Variants in TG observed in about 807,000 individuals in gnomAD.
TG encodes thyroid hormones.
TG carries 270 observed loss-of-function variants against 324.7 expected under a neutral mutation model. The ratio of observed to expected loss-of-function variants is 0.83; its 90% CI spans 0.75 to 0.92. The LOEUF (loss-of-function observed/expected upper bound fraction) is 0.92. TG is among the 40% of genes least tolerant of loss of function. The pLI, the probability that TG is intolerant of heterozygous loss-of-function variation, is 0.00. For missense variants in TG, 3,591 were observed against 3,456.4 expected (o/e 1.04, Z -0.98); for synonymous variants, 1,401 against 1,327.0 (o/e 1.06, Z -1.21).
intron 21 of TG, 57 bp downstream of exon 21, chr8:132,919,582 A>T: frequency 6.2e-7 from 1 of 1,605,540 alleles, no homozygotes; most frequent in East Asian, 2.2e-5. Context: ...ATGGAACTCA[A>T]CAGGGTTTCC....
intron 22 of TG, 78 bp from the exon 23 acceptor site, chr8:132,928,998 C>A: frequency 8.4e-7 from 1 of 1,191,418 alleles, no homozygotes; most frequent in Non-Finnish European, 1.3e-6. Flanking sequence ...GACTGCTTGA[C>A]CTAACAGTCT....
At chr8:133,059,411 C>T (rs1842042301) in intron 41 of TG, among the ~76,000 whole-genome samples, 2 of 152,180 alleles carry the variant, frequency 1.3e-5, no homozygotes, top group Non-Finnish European at 2.9e-5. Context: ...AGCCTTTTCC[C>T]TTTGTTCACT....
intron 39 of TG, 39 bp downstream of exon 39, chr8:133,019,734 T>C: frequency 6.4e-7 from 1 of 1,557,660 alleles, no homozygotes; most frequent in East Asian, 2.3e-5. Context: ...CCCTGAAGAC[T>C]GTCCCATTAG....
At position 132,886,769 on chromosome 8, in the gene TG, G is replaced by A. The variant is rs1211535762; in HGVS notation, c.1397G>A (p.Arg466Lys). 2 of 1,614,082 alleles carry A rather than the reference G, an allele frequency of 1.2e-6. No individual in the cohort carries two copies. Among genetic ancestry groups the A allele is most frequent in the African/African-American group, 1.3e-5 (1 of 74,924 alleles). ...LALQFTTNPK[R>K]LQQNLFGGKF... is the part of the protein sequence containing the mutation. Reference sequence around the variant, plus strand: ...CTTCAGTTTACCACCAACCCAAAGAGACTCCAGCAAAACCTTTTTGGAGGG... The same window carrying A: ...CTTCAGTTTACCACCAACCCAAAGAAACTCCAGCAAAACCTTTTTGGAGGG... The change falls in exon 9 of 48, where the codon AGA (arginine) becomes AAA (lysine). Residue 466 changes from arginine to lysine, a missense_variant. Coordinates refer to ENST00000220616, the MANE Select transcript of TG (RefSeq NM_003235.5).
chr8:132,925,451 A>G (rs1159720927), intron 22 of TG, among the ~76,000 whole-genome samples: 1 of 150,382 alleles, frequency 6.6e-6, no homozygotes, highest in African/African-American at 2.4e-5. Flanking sequence ...AGAAATTTTC[A>G]TTTTCTAATT....
At chr8:132,876,165 C>T (rs1813760340) in intron 5 of TG, among the ~76,000 whole-genome samples, 1 of 152,038 alleles carries the variant, frequency 6.6e-6, no homozygotes, top group African/African-American at 2.4e-5. Flanking sequence ...AGGCAGCCCT[C>T]CGAGTTTGGA....
chr8:133,019,409 G>A (rs546999745), intron 38 of TG, among the ~76,000 whole-genome samples, 193 bp from the exon 39 acceptor site: 15 of 152,340 alleles, frequency 9.8e-5, no homozygotes, highest in African/African-American at 3.4e-4. Flanking sequence ...GCCAGAGAGC[G>A]GTGGGCACTC....
In TG at chr8:132,882,555, C is replaced by A. The variant is rs373005597; in HGVS notation, c.832C>A (p.Arg278=). 6.2e-7 allele frequency: 1 copy of A among 1,614,174 alleles called. No homozygotes were observed. Among genetic ancestry groups the A allele is most frequent in the East Asian group, 2.2e-5 (1 of 44,876 alleles). Reference sequence around the variant, plus strand: ...CACCTTCACTGAAACCACCCTGTACCGGATACTGCAGAGACGGTTCCTCGC... The same window carrying A: ...CACCTTCACTGAAACCACCCTGTACAGGATACTGCAGAGACGGTTCCTCGC... ...PSTFTETTLY[R]ILQRRFLAVQ... Residue 278 remains arginine, a synonymous_variant, in exon 7 of 48, where the codon CGG becomes AGG. Transcript: ENST00000220616.
chr8:132,968,366 A>G (rs972379035), intron 31 of TG, among the ~76,000 whole-genome samples: 3 of 152,214 alleles, frequency 2.0e-5, no homozygotes, highest in Non-Finnish European at 4.4e-5. Context: ...TCCTCTCCTA[A>G]GACAGCCACC....
intron 35 of TG, chr8:132,994,792 G>A: frequency 7.8e-7 from 1 of 1,287,732 alleles, no homozygotes; most frequent in South Asian, 1.2e-5. Context: ...GGAGTACCTG[G>A]TGTCATGGGA....
At chr8:133,072,772 A>C (rs1398896763) in intron 41 of TG, 1 of 152,200 alleles carries the variant, frequency 6.6e-6, no homozygotes, top group Non-Finnish European at 1.5e-5. Flanking sequence ...TTTTCTTCTG[A>C]AAGTGACTTA....
intron 44 of TG, among the ~76,000 whole-genome samples, chr8:133,115,560 C>T (rs1850613618): frequency 6.6e-6 from 1 of 152,210 alleles, no homozygotes; most frequent in African/African-American, 2.4e-5. Flanking sequence ...AAGACGGGCA[C>T]CCCTTTTGCT....
chr8:132,884,222 T>A (rs1270123957), intron 8 of TG, among the ~76,000 whole-genome samples: 6 of 152,208 alleles, frequency 3.9e-5, no homozygotes, highest in East Asian at 1.9e-4. Context: ...GGGAAGAGCA[T>A]GAATTTTGAG....
chr8:133,004,166 T>A (rs1347138781), intron 35 of TG, among the ~76,000 whole-genome samples: 5 of 142,680 alleles, frequency 3.5e-5, no homozygotes, highest in Admixed American at 1.4e-4. Context: ...GGCCTCTTAC[T>A]TCCAAGGGCA....
At chr8:133,121,755 C>T (rs190442344) in intron 45 of TG, among the ~76,000 whole-genome samples, 1 of 152,284 alleles carries the variant, frequency 6.6e-6, no homozygotes, top group Admixed American at 6.5e-5. Context: ...AAAACAGAGA[C>T]AGGCAAATAG....
At chr8:133,060,096 T>C in intron 41 of TG, 1 of 1,592,862 alleles carries the variant, frequency 6.3e-7, no homozygotes, top group Non-Finnish European at 8.5e-7. Flanking sequence ...GAAGCCAGAC[T>C]TACCCTCCGG....
chr8:132,902,291 C>T (rs772377265), intron 16 of TG, among the ~76,000 whole-genome samples: 2 of 152,236 alleles, frequency 1.3e-5, no homozygotes, highest in Admixed American at 6.5e-5. Context: ...CTTATTCTTT[C>T]CTTATTCTTA....
At chr8:133,074,543 T>A (rs944234688) in intron 41 of TG, among the ~76,000 whole-genome samples, 2 of 152,242 alleles carry the variant, frequency 1.3e-5, no homozygotes, top group African/African-American at 4.8e-5. Flanking sequence ...GGAATTCTGA[T>A]GGCAAATCCC....
At chr8:132,969,693 A>G (rs1829198415) in intron 32 of TG, 124 bp downstream of exon 32, 1 of 746,278 alleles carries the variant, frequency 1.3e-6, no homozygotes, top group African/African-American at 1.7e-5. Context: ...TGGGCTGATC[A>G]CGAGGTCAAG....
Sources: gnomAD v4.1 joint callset for allele counts (sites outside exome capture counted in the v4.1 genomes callset) on GRCh38, gnomAD v4.1.1 for gene constraint, MANE v1.5 for transcripts, NCBI Gene and HGNC (gene_info 2026-07-23, HGNC 2026-07-21) for gene names.